Variants in HMCN2 observed in about 807,000 individuals in gnomAD.
HMCN2 encodes hemicentin-2.
Under a neutral mutation model 377.5 loss-of-function variants are expected in HMCN2, and 325 were observed. That is an observed-to-expected ratio of 0.86 (90% CI 0.79 to 0.94). The LOEUF (loss-of-function observed/expected upper bound fraction) is 0.94, where lower values mean the gene tolerates loss of function less well. Ranked by LOEUF, HMCN2 falls within the 40% of genes least tolerant of loss-of-function variation. The pLI is 0.00. For synonymous variants in HMCN2, 2,007 were observed against 2,046.8 expected, an observed-to-expected ratio of 0.98 and a Z score of 0.53; for missense variants, 4,543 against 4,725.3, an observed-to-expected ratio of 0.96 and a Z score of 1.13.
chr9:130,361,163 A>G lies in HMCN2; in HGVS notation c.5950+559A>G, dbSNP rs1840367814. Among the ~76,000 whole-genome samples, 1 of 152,206 alleles carries G rather than the reference A, an allele frequency of 6.6e-6. No individual in the cohort carries two copies. On this transcript the variant is annotated intron_variant, in intron 38 of 97. Transcript: ENST00000683500. This position sits in a 1 kb window ranked among gnomAD's most constrained non-coding sequence, Gnocchi z 4.8. The stretch of plus-strand genomic sequence containing the variant: ...GGAGACTGGACCTAGAGCCCTAGAT[A>G]AGACAGACCTAGGAGCTTTCAGTGT...
rs550404264 is a variant in HMCN2, at chr9:130,295,286, G to A, written c.784+260G>A. Among the ~76,000 whole-genome samples, 58 of 152,240 alleles carry A rather than the reference G, an allele frequency of 3.8e-4. 1 individual carries two copies. The South Asian group carries it at 5.0e-3, about 13-fold the overall frequency. On this transcript the variant is annotated intron_variant, in intron 5 of 97. Coordinates refer to ENST00000683500, the MANE Select transcript of HMCN2 (RefSeq NM_001291815.2). ...GTGAGACTCTCCCCAAGTCTTTTCC[G>A]TGGTACCCCAGTGGATTCTCATGGT...
In HMCN2 at chr9:130,428,398, G is replaced by C; in HGVS notation, c.14106G>C (p.Glu4702Asp). The stretch of plus-strand genomic sequence containing the variant: ...CGTGGGATGCTCACCTCTGCCGAGA[G>C]GGACAGCGCTGTGTGAACCTGCTCG... ...ECAWDAHLCR[E>D]GQRCVNLLGS... The change falls in exon 93 of 98, where the codon GAG becomes GAC. Residue 4702 changes from glutamate (E) to aspartate (D), a missense_variant. Physicochemically the swap from Glu to Asp is conservative, Grantham distance 45. Transcript: ENST00000683500. The surrounding 1 kb of genome is among the most constrained non-coding windows in gnomAD (Gnocchi z 5.0). 6.5e-7 allele frequency: 1 copy of C among 1,548,022 alleles called. No homozygotes were observed. The highest frequency in any genetic ancestry group is 8.7e-7 in the Non-Finnish European group (1 of 1,146,904).
intron 40 of HMCN2, among the ~76,000 whole-genome samples, chr9:130,363,690 G>C (rs2131574463): frequency 6.6e-6 from 1 of 152,036 alleles, no homozygotes; most frequent in Non-Finnish European, 1.5e-5. Context: ...GGGTATGGTG[G>C]TGCGTGCCTG....
At position 130,393,324 on chromosome 9, in the gene HMCN2, G is replaced by A. The variant is rs1842431023; in HGVS notation, c.10234+15G>A. ...GCAGGTGCAGGGTATGGAGCAGGGG[G>A]TGGGGCAAGGGGGTCTCTGGCCTTG... On this transcript the variant is annotated intron_variant, in intron 67 of 97. Transcript: ENST00000683500. This position sits in a 1 kb window ranked among gnomAD's most constrained non-coding sequence, Gnocchi z 5.2. The A allele has an allele frequency of 3.0e-6, 3 of 990,546 alleles. No homozygotes were observed. Among genetic ancestry groups the A allele is most frequent in the Non-Finnish European group, 3.6e-6 (3 of 831,450 alleles). 61.4% of individuals were successfully genotyped at this position (990,546 alleles called of 1,614,324 possible).
chr9:130,275,894 G>A (rs1189260418), intron 1 of HMCN2, among the ~76,000 whole-genome samples: 12 of 151,578 alleles, frequency 7.9e-5, no homozygotes, highest in Admixed American at 7.9e-4. Flanking sequence ...GGCCCGTGAG[G>A]TGTGAGCTGG....
At chr9:130,392,820 C>A (rs1488459499) in intron 66 of HMCN2, among the ~76,000 whole-genome samples, 3 of 152,096 alleles carry the variant, frequency 2.0e-5, no homozygotes, top group African/African-American at 7.2e-5. Flanking sequence ...CACGGTGAAA[C>A]CCCGTCTCTA....
chr9:130,296,364 A>G (rs1230076696), intron 6 of HMCN2, among the ~76,000 whole-genome samples: 4 of 152,152 alleles, frequency 2.6e-5, no homozygotes, highest in African/African-American at 9.7e-5. Flanking sequence ...TGTAATGCCA[A>G]TGGGGAGGGC....
At position 130,433,501 on chromosome 9, in the gene HMCN2, C is replaced by G; in HGVS notation, c.15048C>G (p.Thr5016=). Residue 5016 remains threonine (T), a synonymous_variant, in exon 98 of 98, where the codon ACC becomes ACG. Coordinates refer to ENST00000683500, the MANE Select transcript of HMCN2 (RefSeq NM_001291815.2). The part of the protein sequence containing the change: ...FSEVGVPANR[T]ELSMLEPDPR... ...AGGTCGGCGTCCCCGCCAACCGCACCGAGCTCAGCATGCTGGAGCCCGACC... is the reference window on the plus strand; with the variant it reads ...AGGTCGGCGTCCCCGCCAACCGCACGGAGCTCAGCATGCTGGAGCCCGACC... 6.7e-7 allele frequency: 1 copy of G among 1,498,498 alleles called. No homozygotes were observed. Among genetic ancestry groups the G allele is most frequent in the Non-Finnish European group, 8.8e-7 (1 of 1,131,294 alleles). 92.8% of individuals were successfully genotyped at this position (1,498,498 alleles called of 1,614,324 possible).
At chr9:130,421,897 T>C (rs1367960601) in intron 86 of HMCN2, among the ~76,000 whole-genome samples, 1 of 152,236 alleles carries the variant, frequency 6.6e-6, no homozygotes, top group East Asian at 1.9e-4. Context: ...CCCTGAGAGC[T>C]GCTGAGTGGA....
At chr9:130,427,869 C>T (rs955588436) in intron 92 of HMCN2, among the ~76,000 whole-genome samples, 7 of 152,298 alleles carry the variant, frequency 4.6e-5, no homozygotes, top group East Asian at 3.9e-4. Flanking sequence ...GACATATGGG[C>T]GGCTACACAT....
chr9:130,363,845 GAGAAAA>G (rs1226427197), intron 40 of HMCN2, among the ~76,000 whole-genome samples: 1 of 142,096 alleles, frequency 7.0e-6, no homozygotes, highest in African/African-American at 2.6e-5. Context: ...GAAAGAAAGA[GAGAAAA>G]AGAGAGAGAG....
chr9:130,348,821 A>C, intron 27 of HMCN2, 146 bp downstream of exon 27: 1 of 1,225,564 alleles, frequency 8.2e-7, no homozygotes, highest in Non-Finnish European at 1.1e-6. Context: ...ACGGCAGTGG[A>C]GGATAGTGGT....
intron 34 of HMCN2, among the ~76,000 whole-genome samples, chr9:130,357,233 G>T (rs1167064865): frequency 6.7e-6 from 1 of 148,654 alleles, no homozygotes; most frequent in Non-Finnish European, 1.5e-5. Flanking sequence ...TGAATGGGTG[G>T]GTGGGTGGAT....
rs999057738 is a variant in HMCN2, at chr9:130,433,243, T to C, written c.14895-105T>C. 6 of 856,958 alleles carry C rather than the reference T, an allele frequency of 7.0e-6. No homozygotes were observed. The African/African-American group carries it at 1.1e-4, about 15-fold the overall frequency. 53.1% of individuals were successfully genotyped at this position (856,958 alleles called of 1,614,324 possible). ...CTGCGGGAGAAGGACGGGCAGCGCG[T>C]GGGCGGAACTGCAGGGGCTGGCAGG... On this transcript the variant is annotated intron_variant, in intron 97 of 97. Transcript: ENST00000683500.
At chr9:130,425,957 GC>G in intron 90 of HMCN2, 33 bp downstream of exon 90, 1 of 1,489,490 alleles carries the variant, frequency 6.7e-7, no homozygotes. Context: ...CACCCCCACT[GC>G]CCCAGCTAAA....
chr9:130,329,763 A>C (rs1838325569), intron 22 of HMCN2, among the ~76,000 whole-genome samples: 1 of 151,966 alleles, frequency 6.6e-6, no homozygotes, highest in Non-Finnish European at 1.5e-5. Context: ...TTTTGATTGT[A>C]CTTGAAGCTT....
rs140325611 is a variant in HMCN2 at position 130,417,859 on chromosome 9, A to T, written c.12962-913A>T. On this transcript the variant is annotated intron_variant, in intron 85 of 97. Transcript: ENST00000683500. ...CACAGCGCCCCACCTTGGCTGAAGCACGTTGCATTTCCACCTCAGTGTGTG... is the reference window on the plus strand; with the variant it reads ...CACAGCGCCCCACCTTGGCTGAAGCTCGTTGCATTTCCACCTCAGTGTGTG... 2.0e-4 allele frequency among the ~76,000 whole-genome samples: 30 copies of T among 152,350 alleles called. No homozygotes were observed. In the East Asian group the frequency reaches 5.8e-3, roughly 29 times the overall value.
intron 66 of HMCN2, among the ~76,000 whole-genome samples, chr9:130,392,877 T>G (rs901546613): frequency 4.8e-4 from 73 of 151,908 alleles, no homozygotes; most frequent in Non-Finnish European, 9.1e-4. Flanking sequence ...GCGCCTGTAG[T>G]CCCAGCTACT....
At chr9:130,409,331 C>G (rs1167141958) in intron 84 of HMCN2, among the ~76,000 whole-genome samples, 1 of 152,196 alleles carries the variant, frequency 6.6e-6, no homozygotes, top group African/African-American at 2.4e-5. Flanking sequence ...GAGAGGCCCA[C>G]AACCAATAAG....
Sources: gnomAD v4.1 joint callset for allele counts (sites outside exome capture counted in the v4.1 genomes callset) on GRCh38, gnomAD v4.1.1 for gene constraint, Gnocchi (gnomAD v3.1) non-coding constraint, MANE v1.5 for transcripts, NCBI Gene and HGNC (gene_info 2026-07-23, HGNC 2026-07-21) for gene names.